The following TEX14 variants were observed in gnomAD, a reference collection of about 807,000 sequenced individuals.
TEX14 encodes inactive serine/threonine-protein kinase TEX14.
In TEX14, 168 loss-of-function variants were observed where a neutral mutation model predicts 178.6. The observed-to-expected ratio is 0.94, with a 90% CI of 0.83 to 1.07. The LOEUF (loss-of-function observed/expected upper bound fraction) is 1.07. Among genes scored for constraint, TEX14 ranks in the 50% least tolerant of loss-of-function variants. The probability of loss-of-function intolerance (pLI) is 0.00; values close to 1 mark genes in which losing one functional copy is unlikely to be tolerated. For missense variants in TEX14, 1,730 were observed against 1,753.6 expected, an observed-to-expected ratio of 0.99 and a Z score of 0.24; for synonymous variants, 626 against 634.1, an observed-to-expected ratio of 0.99 and a Z score of 0.19.
chr17:58,587,557 T>A, intron 17 of TEX14, 24 bp downstream of exon 17: 1 of 1,384,868 alleles, frequency 7.2e-7, no homozygotes, highest in Non-Finnish European at 1.0e-6. Flanking sequence ...TTTTGTCTAA[T>A]AAAACCCATG....
chr17:58,684,678 T>A (rs145550755), intron 1 of TEX14, among the ~76,000 whole-genome samples: 14 of 146,016 alleles, frequency 9.6e-5, no homozygotes, highest in South Asian at 2.2e-4. Flanking sequence ...AATAAATAAA[T>A]AAAAAGCTTT....
Position 58,667,891 on chromosome 17 carries a change from T to TA in TEX14, c.-1-15890dup, listed in dbSNP as rs1205836185. ...CTGGGCGACAGAGTGAGACTCTGGCTAAAAAAAAAAAAAAAAAAAGATTCT... is the reference window on the plus strand; with the variant it reads ...CTGGGCGACAGAGTGAGACTCTGGCTAAAAAAAAAAAAAAAAAAAAGATTCT... On this transcript the variant is annotated intron_variant, in intron 1 of 31. Coordinates refer to ENST00000349033, the MANE Select transcript of TEX14 (RefSeq NM_031272.5). Among the ~76,000 whole-genome samples the TA allele has an allele frequency of 9.5e-3, 979 of 102,732 alleles. 6 individuals carry two copies. Among genetic ancestry groups the TA allele is most frequent in the African/African-American group, 0.017 (456 of 27,120 alleles). The allele number at this position is 102,732 out of a possible 152,430, so 67.4% of individuals were successfully genotyped here.
Position 58,599,568 on chromosome 17 carries a change from TC to T in TEX14, c.1776del (p.Asn593IlefsTer38). Reference protein sequence around the residue: ...PDPCLMARETQNQDAPCPAPF... With the variant: ...PDPCLMARETXNQDAPCPAPF... ...GGAGCAGGGCAAGGAGCATCTTGAT[TC>T]TGAGTCTCCCTGGCCATCAGACATG... On this transcript the variant is annotated frameshift_variant, in exon 14 of 32. Coordinates refer to ENST00000349033, the MANE Select transcript of TEX14 (RefSeq NM_031272.5). LOFTEE classifies it high-confidence loss of function. 6.2e-7 allele frequency: 1 copy of T among 1,614,028 alleles called. No homozygotes were observed. The highest frequency in any genetic ancestry group is 8.5e-7 in the Non-Finnish European group (1 of 1,179,990).
intron 1 of TEX14, among the ~76,000 whole-genome samples, chr17:58,667,993 A>C (rs1057007803): frequency 2.0e-5 from 3 of 152,090 alleles, no homozygotes. Context: ...TTCTTGTAAA[A>C]TCCAGTTTTA....
intron 2 of TEX14, among the ~76,000 whole-genome samples, chr17:58,634,753 G>A (rs967061426): frequency 3.9e-5 from 6 of 152,164 alleles, no homozygotes; most frequent in Admixed American, 3.3e-4. Context: ...CCTCTTTGAA[G>A]ATATTTGTAT....
At chr17:58,576,079 C>A (rs1267033177) in intron 21 of TEX14, among the ~76,000 whole-genome samples, 1 of 152,078 alleles carries the variant, frequency 6.6e-6, no homozygotes, top group Non-Finnish European at 1.5e-5. Context: ...GAAACTGAGG[C>A]CCAGAGAGAA....
chr17:58,586,737 G>GA (rs948538157), intron 17 of TEX14, among the ~76,000 whole-genome samples: 225 of 143,392 alleles, frequency 1.6e-3, no homozygotes, highest in African/African-American at 3.7e-3. Context: ...ACTCTGATGA[G>GA]AAAAAAAAAA....
chr17:58,631,096 T>C (rs2144578607), intron 2 of TEX14: 1 of 905,698 alleles, frequency 1.1e-6, no homozygotes, highest in Non-Finnish European at 1.3e-6. Flanking sequence ...AAAAGGAAAA[T>C]ATGCCTTACC....
chr17:58,605,012 G>A lies in TEX14; in HGVS notation c.1302C>T (p.Tyr434=). 1.2e-6 allele frequency: 2 copies of A among 1,614,200 alleles called. No individual in the cohort carries two copies. The highest frequency in any genetic ancestry group is 1.1e-5 in the South Asian group (1 of 91,078). ...TCTCCTGCATGATCATAGAAAAGCT[G>A]TAGATGTCTGATTTCACTGTGGCTG... ...QKAATVKSDI[Y]SFSMIMQEIL... is the part of the protein sequence containing the mutation. The change falls in exon 11 of 32, where the codon TAC becomes TAT. Residue 434 remains tyrosine, a synonymous_variant. Transcript: ENST00000349033.
At chr17:58,669,391 G>A (rs1484187833) in intron 1 of TEX14, among the ~76,000 whole-genome samples, 1 of 151,498 alleles carries the variant, frequency 6.6e-6, no homozygotes, top group Non-Finnish European at 1.5e-5. Flanking sequence ...GGTGTGGAGA[G>A]GAGTTTGTCA....
chr17:58,679,435 T>TCTC (rs889862711), intron 1 of TEX14: 1 of 139,336 alleles, frequency 7.2e-6, no homozygotes, highest in Non-Finnish European at 1.7e-5. Flanking sequence ...GGCATCAATC[T>TCTC]CTCGCTATTC....
intron 15 of TEX14, among the ~76,000 whole-genome samples, chr17:58,589,417 C>T (rs903786237): frequency 6.6e-6 from 1 of 151,058 alleles, no homozygotes; most frequent in African/African-American, 2.4e-5. Flanking sequence ...AAAAAATTAG[C>T]TGGGCATGGT....
chr17:58,573,364 A>C, intron 22 of TEX14, 56 bp from the exon 23 acceptor site: 2 of 1,561,288 alleles, frequency 1.3e-6, no homozygotes, highest in Non-Finnish European at 1.8e-6. Flanking sequence ...AAATCAAACA[A>C]TATATTCCTG....
At chr17:58,614,840 T>C (rs1240320502) in intron 8 of TEX14, among the ~76,000 whole-genome samples, 2 of 152,218 alleles carry the variant, frequency 1.3e-5, no homozygotes, top group African/African-American at 4.8e-5. Context: ...CTCAGACATC[T>C]GGATCTTAAG....
At chr17:58,601,705 A>C in intron 13 of TEX14, 101 bp downstream of exon 13, 1 of 1,124,114 alleles carries the variant, frequency 8.9e-7, no homozygotes. Context: ...CAAAACAAAC[A>C]AGTTACATCT....
intron 21 of TEX14, among the ~76,000 whole-genome samples, chr17:58,576,035 T>A (rs552650431): frequency 6.6e-6 from 1 of 152,202 alleles, no homozygotes; most frequent in East Asian, 1.9e-4. Flanking sequence ...TGCTAGATAT[T>A]TAGGAAATAC....
intron 23 of TEX14, among the ~76,000 whole-genome samples, chr17:58,572,464 C>T (rs775963941): frequency 6.5e-4 from 99 of 152,060 alleles, no homozygotes; most frequent in Non-Finnish European, 1.2e-3. Context: ...AACCCTGTCT[C>T]TACTAAAAAT....
chr17:58,646,907 T>TC (rs1425559450), intron 2 of TEX14, among the ~76,000 whole-genome samples: 1 of 150,158 alleles, frequency 6.7e-6, no homozygotes, highest in Non-Finnish European at 1.5e-5. Context: ...TCAAGCACAC[T>TC]CTTTTTTTTT....
chr17:58,683,837 C>A (rs905639643), intron 1 of TEX14, among the ~76,000 whole-genome samples: 1 of 151,340 alleles, frequency 6.6e-6, no homozygotes, highest in African/African-American at 2.4e-5. Context: ...GAGGCTGAGG[C>A]GGGCGGATCA....
Sources: allele counts gnomAD v4.1 joint callset (sites outside exome capture counted in the v4.1 genomes callset), GRCh38; gene constraint gnomAD v4.1.1; transcripts MANE v1.5; gene names NCBI Gene and HGNC (gene_info 2026-07-23, HGNC 2026-07-21).